Variants in AMMECR1 observed in about 807,000 individuals in gnomAD.
AMMECR1 encodes AMMECR nuclear protein 1, also known as nuclear protein AMMECR1.
AMMECR1 carries 3 observed loss-of-function variants against 22.5 expected under a neutral mutation model. That is an observed-to-expected ratio of 0.13 (90% CI 0.06 to 0.35). The LOEUF (loss-of-function observed/expected upper bound fraction) is 0.35, where lower values mean the gene tolerates loss of function less well. AMMECR1 is among the 10% of genes least tolerant of loss of function. The pLI is 1.00. For synonymous variants in AMMECR1, 130 were observed against 116.7 expected (o/e 1.11, Z -0.74); for missense variants, 235 against 278.7 (o/e 0.84, Z 1.12).
chrX:110,327,519 T>A (rs1399319537), intron 2 of AMMECR1, among the ~76,000 whole-genome samples: 1 of 111,324 alleles, frequency 9.0e-6, no homozygotes, highest in East Asian at 2.8e-4. Context: ...ACATGAGTAG[T>A]TTCATTGGAG....
chrX:110,221,834 A>C (rs2067501796), intron 2 of AMMECR1, among the ~76,000 whole-genome samples: 2 of 110,743 alleles, frequency 1.8e-5, no homozygotes, highest in Non-Finnish European at 3.8e-5. Flanking sequence ...GCAGCCAAAA[A>C]ACATGAAAAA....
At chrX:110,375,550 A>G (rs1457027756) in intron 2 of AMMECR1, among the ~76,000 whole-genome samples, 1 of 110,630 alleles carries the variant, frequency 9.0e-6, no homozygotes, top group East Asian at 2.8e-4. Context: ...GAATGAATGA[A>G]TGAATGAATG....
At chrX:110,276,196 T>C (rs2067825608) in intron 1 of AMMECR1, among the ~76,000 whole-genome samples, 3 of 112,391 alleles carry the variant, frequency 2.7e-5, no homozygotes, top group African/African-American at 9.7e-5. Flanking sequence ...TTTTCATTTT[T>C]TATAGTATAC....
intron 1 of AMMECR1, among the ~76,000 whole-genome samples, chrX:110,266,994 C>A (rs953023639): frequency 4.5e-5 from 5 of 111,077 alleles, no homozygotes; most frequent in African/African-American, 1.6e-4. Context: ...CCAGCTTCAT[C>A]CATGTCCCTG....
intron 2 of AMMECR1, among the ~76,000 whole-genome samples, chrX:110,378,881 C>T: frequency 9.1e-6 from 1 of 110,482 alleles, no homozygotes; most frequent in East Asian, 2.9e-4. Flanking sequence ...CACAGCTTCT[C>T]CATGGAGAAG....
At chrX:110,346,335 C>T (rs1046463015) in intron 2 of AMMECR1, among the ~76,000 whole-genome samples, 13 of 111,807 alleles carry the variant, frequency 1.2e-4, no homozygotes, top group South Asian at 7.5e-4. Context: ...CAAAAAGGAA[C>T]TACAAATGGT....
At chrX:110,295,459 A>G (rs916145010) in intron 1 of AMMECR1, among the ~76,000 whole-genome samples, 1 of 111,367 alleles carries the variant, frequency 9.0e-6, no homozygotes, top group African/African-American at 3.3e-5. Context: ...GCAATAATCA[A>G]TTCTTAACTC....
intron 2 of AMMECR1, among the ~76,000 whole-genome samples, chrX:110,410,454 A>G (rs770498359): frequency 8.9e-6 from 1 of 112,610 alleles, no homozygotes; most frequent in South Asian, 3.7e-4. Flanking sequence ...TAGAAAGCCA[A>G]GTGAAATAAT....
chrX:110,433,507 A>T (rs1053076685), intron 1 of AMMECR1, among the ~76,000 whole-genome samples: 1 of 111,543 alleles, frequency 9.0e-6, no homozygotes, highest in South Asian at 3.9e-4. Context: ...GAAGGGAAAA[A>T]CTGGAGCTCC....
At chrX:110,391,153 C>G (rs2068491195) in intron 2 of AMMECR1, among the ~76,000 whole-genome samples, 1 of 111,737 alleles carries the variant, frequency 8.9e-6, no homozygotes, top group Non-Finnish European at 1.9e-5. Context: ...TTCAGCTTGT[C>G]TACTGAGCTT....
At chrX:110,214,660 A>C (rs933211304) in intron 3 of AMMECR1, among the ~76,000 whole-genome samples, 1 of 111,862 alleles carries the variant, frequency 8.9e-6, no homozygotes, top group African/African-American at 3.3e-5. Context: ...TCCTTCCCCC[A>C]AAACACATGC....
chrX:110,247,385 G>A (rs922467796), intron 2 of AMMECR1, among the ~76,000 whole-genome samples: 6 of 111,651 alleles, frequency 5.4e-5, no homozygotes, highest in East Asian at 2.8e-4. Flanking sequence ...GTGAAACCCC[G>A]TCTCTACAAA....
At chrX:110,253,770 T>G (rs1419025489) in intron 2 of AMMECR1, among the ~76,000 whole-genome samples, 1 of 111,898 alleles carries the variant, frequency 8.9e-6, no homozygotes, top group Non-Finnish European at 1.9e-5. Flanking sequence ...AAGTCCAACC[T>G]GTGTTGTCAG....
At chrX:110,304,777 C>G (rs767731298) in intron 1 of AMMECR1, among the ~76,000 whole-genome samples, 52 of 112,138 alleles carry the variant, frequency 4.6e-4, no homozygotes, top group Non-Finnish European at 9.4e-4. Flanking sequence ...CTTGTTATAG[C>G]TAGTCTCCTT....
chrX:110,235,233 C>T (rs146970771), intron 2 of AMMECR1, among the ~76,000 whole-genome samples: 1,634 of 112,308 alleles, frequency 0.015, 16 homozygotes, highest in Middle Eastern at 0.023. Flanking sequence ...TGAAAAAATG[C>T]TTATCATCAC....
chrX:110,304,210 C>T (rs1338298313), intron 1 of AMMECR1, among the ~76,000 whole-genome samples: 1 of 111,946 alleles, frequency 8.9e-6, no homozygotes, highest in East Asian at 2.8e-4. Context: ...CCATAAGGAA[C>T]ATTCCCATTA....
At chrX:110,235,215 CAG>C (rs1266754610) in intron 2 of AMMECR1, among the ~76,000 whole-genome samples, 1 of 112,303 alleles carries the variant, frequency 8.9e-6, no homozygotes, top group Non-Finnish European at 1.9e-5. Flanking sequence ...ATGCAGCCAA[CAG>C]ACACATGAAA....
At chrX:110,373,678 T>C (rs1371232506) in intron 2 of AMMECR1, among the ~76,000 whole-genome samples, 1 of 112,492 alleles carries the variant, frequency 8.9e-6, no homozygotes, top group African/African-American at 3.2e-5. Context: ...TTTCTCATCT[T>C]TTTGTAGCCC....
intron 2 of AMMECR1, among the ~76,000 whole-genome samples, chrX:110,394,149 TA>T (rs2068513182): frequency 1.8e-5 from 2 of 113,150 alleles, no homozygotes; most frequent in South Asian, 7.4e-4. Flanking sequence ...TTGTTTTTAT[TA>T]ATCTTTCCTA....
Sources: allele counts gnomAD v4.1 joint callset (sites outside exome capture counted in the v4.1 genomes callset), GRCh38; gene constraint gnomAD v4.1.1; transcripts MANE v1.5; gene names NCBI Gene and HGNC (gene_info 2026-07-23, HGNC 2026-07-21).